Variants in CNTN5 observed in about 807,000 individuals in gnomAD.
CNTN5 encodes contactin 5.
A neutral mutation model predicts 129.1 loss-of-function variants in CNTN5; 77 were observed. The observed-to-expected ratio is 0.60, with a 90% CI of 0.50 to 0.72. CNTN5 has a LOEUF of 0.72. Among genes scored for constraint, CNTN5 ranks in the 30% least tolerant of loss-of-function variants. CNTN5 has a pLI of 0.00. For synonymous variants in CNTN5, 509 were observed against 465.6 expected (o/e 1.09, Z -1.20); for missense variants, 1,478 against 1,328.8 (o/e 1.11, Z -1.75).
At chr11:99,485,047 A>G (rs1050625223) in intron 2 of CNTN5, among the ~76,000 whole-genome samples, 1 of 152,122 alleles carries the variant, frequency 6.6e-6, no homozygotes, top group African/African-American at 2.4e-5. Context: ...ACATAGTTTC[A>G]AATAGCTAGA....
intron 3 of CNTN5, among the ~76,000 whole-genome samples, chr11:99,635,853 A>G (rs571105461): frequency 3.3e-5 from 5 of 152,292 alleles, no homozygotes; most frequent in African/African-American, 1.2e-4. Flanking sequence ...CTTTATTTAT[A>G]AAAGTATAAA....
chr11:99,093,568 A>G (rs573471119), intron 1 of CNTN5, among the ~76,000 whole-genome samples: 19 of 152,096 alleles, frequency 1.2e-4, no homozygotes, highest in South Asian at 4.1e-4. Flanking sequence ...GCTAAAAACC[A>G]GCTAAATTTA....
intron 2 of CNTN5, among the ~76,000 whole-genome samples, chr11:99,380,976 C>G (rs924449897): frequency 8.6e-5 from 13 of 151,904 alleles, no homozygotes; most frequent in Non-Finnish European, 7.4e-5. Flanking sequence ...TTAAGAAGTA[C>G]CAAAATCTGA....
intron 2 of CNTN5, among the ~76,000 whole-genome samples, chr11:99,442,775 A>G (rs1470459053): frequency 1.3e-5 from 2 of 152,234 alleles, no homozygotes; most frequent in Non-Finnish European, 2.9e-5. Context: ...AGCAGAGATG[A>G]TATTATAACC....
At position 99,582,373 on chromosome 11, in the gene CNTN5, G is replaced by A. The variant is rs1334108645; in HGVS notation, c.55+26104G>A. Among the ~76,000 whole-genome samples the A allele has an allele frequency of 2.0e-5, 3 of 152,276 alleles. No individual in the cohort carries two copies. In the East Asian group the frequency reaches 5.8e-4, roughly 29 times the overall value. On this transcript the variant is annotated intron_variant, in intron 3 of 24. Coordinates refer to ENST00000524871, the MANE Select transcript of CNTN5 (RefSeq NM_014361.4). ...ATTTCCTGAATTTGAATGTTGGCCTGCCTTGCTAGGTTGGAGAAGTTCTCC... is the reference window on the plus strand; with the variant it reads ...ATTTCCTGAATTTGAATGTTGGCCTACCTTGCTAGGTTGGAGAAGTTCTCC...
intron 2 of CNTN5, among the ~76,000 whole-genome samples, chr11:99,549,862 A>G (rs1240657740): frequency 6.6e-6 from 1 of 151,964 alleles, no homozygotes; most frequent in Non-Finnish European, 1.5e-5. Context: ...TTTCTTTCTG[A>G]TTCCAGTATC....
chr11:99,948,905 T>A (rs886440259), intron 7 of CNTN5, among the ~76,000 whole-genome samples: 2 of 152,158 alleles, frequency 1.3e-5, no homozygotes, highest in Non-Finnish European at 2.9e-5. Context: ...CTGCCCTCAT[T>A]GCATTCCACC....
At chr11:99,481,402 GT>G (rs1945595744) in intron 2 of CNTN5, among the ~76,000 whole-genome samples, 2 of 151,986 alleles carry the variant, frequency 1.3e-5, no homozygotes, top group South Asian at 4.2e-4. Flanking sequence ...TAATAATTTT[GT>G]TTTTGTTCTG....
At chr11:99,114,909 C>T (rs959044755) in intron 1 of CNTN5, among the ~76,000 whole-genome samples, 3 of 152,114 alleles carry the variant, frequency 2.0e-5, no homozygotes, top group African/African-American at 7.2e-5. Context: ...TGATGCTATT[C>T]GGAGGTGAGA....
chr11:99,131,216 C>G (rs2135433459), intron 1 of CNTN5, among the ~76,000 whole-genome samples: 1 of 121,412 alleles, frequency 8.2e-6, no homozygotes, highest in African/African-American at 3.1e-5. Flanking sequence ...CCACTGCACT[C>G]CAGCCTGGGT....
chr11:99,363,555 G>A (rs1939258884), intron 2 of CNTN5, among the ~76,000 whole-genome samples: 1 of 152,036 alleles, frequency 6.6e-6, no homozygotes, highest in Admixed American at 6.6e-5. Flanking sequence ...GGACAAAACT[G>A]TTGGGAACAT....
intron 2 of CNTN5, among the ~76,000 whole-genome samples, chr11:99,389,431 A>G (rs979704093): frequency 2.0e-5 from 3 of 152,210 alleles, no homozygotes; most frequent in African/African-American, 7.2e-5. Context: ...TGTATTGTGT[A>G]TAATCAGGTT....
At chr11:100,115,115 T>TAAAAAAAAAAAAAAAAAAAAAAAA (rs11388029) in intron 13 of CNTN5, among the ~76,000 whole-genome samples, 4 of 78,394 alleles carry the variant, frequency 5.1e-5, no homozygotes, top group East Asian at 4.3e-4. Context: ...AGGTATACAG[T>TAAAAAAAAAAAAAAAAAAAAAAAA]AAAAAAAAAA....
chr11:99,844,632 A>AC, intron 4 of CNTN5: 1 of 527,814 alleles, frequency 1.9e-6, no homozygotes, highest in Non-Finnish European at 3.4e-6. Context: ...TTTATGTATT[A>AC]CACGTTTAAC....
chr11:99,977,449 A>G (rs1045825760), intron 8 of CNTN5, among the ~76,000 whole-genome samples: 12 of 152,206 alleles, frequency 7.9e-5, no homozygotes, highest in African/African-American at 2.4e-4. Context: ...TCACACCGCT[A>G]TGAAGAGCTA....
chr11:99,895,158 C>G (rs1049054437), intron 6 of CNTN5, among the ~76,000 whole-genome samples: 2 of 152,146 alleles, frequency 1.3e-5, no homozygotes, highest in African/African-American at 4.8e-5. Context: ...TGCTGCTCCC[C>G]ATCAGTTCAG....
At chr11:99,826,636 G>A (rs1333093544) in intron 4 of CNTN5, among the ~76,000 whole-genome samples, 4 of 152,286 alleles carry the variant, frequency 2.6e-5, no homozygotes, top group Middle Eastern at 6.8e-3. Context: ...GAAATCATGT[G>A]TTCAATGGCA....
intron 3 of CNTN5, among the ~76,000 whole-genome samples, chr11:99,698,410 T>C (rs10790912): frequency 0.3 from 44,978 of 151,108 alleles, 6,792 homozygotes; most frequent in South Asian, 0.34. Flanking sequence ...GGAATCCCTT[T>C]GTAATAAATT....
chr11:99,260,906 T>C (rs1393504903), intron 1 of CNTN5, among the ~76,000 whole-genome samples: 1 of 151,928 alleles, frequency 6.6e-6, no homozygotes, highest in Non-Finnish European at 1.5e-5. Context: ...AATTCCAAAC[T>C]CTTCGGAAGC....
Sources: allele counts gnomAD v4.1 joint callset (sites outside exome capture counted in the v4.1 genomes callset), GRCh38; gene constraint gnomAD v4.1.1; transcripts MANE v1.5; gene names NCBI Gene and HGNC (gene_info 2026-07-23, HGNC 2026-07-21).